PTPRD: variants seen among roughly 807,000 people sequenced by gnomAD.
PTPRD encodes receptor-type tyrosine-protein phosphatase delta.
PTPRD carries 34 observed loss-of-function variants against 214.5 expected under a neutral mutation model. That is an observed-to-expected ratio of 0.16 (90% confidence interval 0.12 to 0.21). The LOEUF is 0.21. Ranked by LOEUF, PTPRD falls within the 10% of genes least tolerant of loss-of-function variation. The probability of loss-of-function intolerance (pLI) is 1.00; values close to 1 mark genes in which losing one functional copy is unlikely to be tolerated. For synonymous variants in PTPRD, 1,128 were observed against 845.7 expected, an observed-to-expected ratio of 1.33 and a Z score of -5.79; for missense variants, 2,545 against 2,398.7, an observed-to-expected ratio of 1.06 and a Z score of -1.27.
At chr9:9,275,070 AT>A (rs1944529043) in intron 9 of PTPRD, among the ~76,000 whole-genome samples, 1 of 59,094 alleles carries the variant, frequency 1.7e-5, no homozygotes, top group Admixed American at 2.9e-4. Context: ...TATATATTAT[AT>A]ATATATATAT....
intron 12 of PTPRD, among the ~76,000 whole-genome samples, chr9:8,720,386 C>G (rs1378666556): frequency 6.6e-6 from 1 of 152,198 alleles, no homozygotes; most frequent in Non-Finnish European, 1.5e-5. Flanking sequence ...CTTCTGCACC[C>G]TCCTATTACT....
At chr9:9,948,000 T>G (rs1329766603) in intron 4 of PTPRD, among the ~76,000 whole-genome samples, 1 of 151,946 alleles carries the variant, frequency 6.6e-6, no homozygotes, top group Non-Finnish European at 1.5e-5. Context: ...GCAAGATTTT[T>G]TTCTTCTTGA....
chr9:10,358,593 G>C (rs908394826), intron 2 of PTPRD, among the ~76,000 whole-genome samples: 1 of 151,854 alleles, frequency 6.6e-6, no homozygotes, highest in Non-Finnish European at 1.5e-5. Context: ...ATAGCAAACT[G>C]TCTGAAAAAT....
chr9:9,732,923 A>AT (rs376524824), intron 7 of PTPRD, among the ~76,000 whole-genome samples: 1 of 151,472 alleles, frequency 6.6e-6, no homozygotes, highest in African/African-American at 2.4e-5. Context: ...AAAAAAAAAA[A>AT]TTACTAAGAA....
At chr9:10,310,176 C>T (rs959786564) in intron 3 of PTPRD, among the ~76,000 whole-genome samples, 3 of 151,940 alleles carry the variant, frequency 2.0e-5, no homozygotes, top group African/African-American at 7.2e-5. Flanking sequence ...AAATCCATGT[C>T]CAACTCTTCT....
chr9:8,825,875 C>T (rs887571978), intron 11 of PTPRD, among the ~76,000 whole-genome samples: 3 of 152,148 alleles, frequency 2.0e-5, no homozygotes, highest in African/African-American at 7.2e-5. Flanking sequence ...CAAGGATGAG[C>T]AGATGCCACA....
intron 11 of PTPRD, among the ~76,000 whole-genome samples, chr9:8,838,616 A>T (rs759329681): frequency 6.7e-6 from 1 of 149,878 alleles, no homozygotes; most frequent in Non-Finnish European, 1.5e-5. Context: ...AGTTTGACAG[A>T]TTTTTTTTTT....
intron 9 of PTPRD, among the ~76,000 whole-genome samples, chr9:9,364,526 G>A (rs2057306078): frequency 6.6e-6 from 1 of 151,394 alleles, no homozygotes; most frequent in South Asian, 2.1e-4. Context: ...AGCTATCCCT[G>A]CACATATACG....
At chr9:8,388,330 T>C (rs1034711243) in intron 37 of PTPRD, among the ~76,000 whole-genome samples, 1 of 152,220 alleles carries the variant, frequency 6.6e-6, no homozygotes, top group Admixed American at 6.5e-5. Flanking sequence ...AATATCCTTT[T>C]TGAGACTACT....
intron 14 of PTPRD, among the ~76,000 whole-genome samples, chr9:8,545,906 A>G (rs1479697326): frequency 6.6e-6 from 1 of 152,236 alleles, no homozygotes; most frequent in Non-Finnish European, 1.5e-5. Context: ...AACAAACTTT[A>G]TACAAACTCT....
rs2097646167 is a variant in PTPRD, at chr9:8,510,049, C to G, written c.1544-2615G>C. 2.0e-5 allele frequency among the ~76,000 whole-genome samples: 3 copies of G among 152,104 alleles called. No homozygotes were observed. In the South Asian group the frequency reaches 6.2e-4, roughly 31 times the overall value. On this transcript the variant is annotated intron_variant, in intron 21 of 45. Transcript: ENST00000381196. ...CTGTAACCCCAGCACTTTGGGAGGCCAAGTTGGGAGGATGGCTTGAAGTCA... is the reference window on the plus strand; with the variant it reads ...CTGTAACCCCAGCACTTTGGGAGGCGAAGTTGGGAGGATGGCTTGAAGTCA...
intron 4 of PTPRD, among the ~76,000 whole-genome samples, chr9:10,032,426 C>T (rs2097100113): frequency 6.6e-6 from 1 of 152,166 alleles, no homozygotes; most frequent in East Asian, 1.9e-4. Context: ...AGTTATTCTT[C>T]CCTATTGTTT....
At chr9:10,396,104 G>C (rs2098165433) in intron 2 of PTPRD, among the ~76,000 whole-genome samples, 1 of 151,778 alleles carries the variant, frequency 6.6e-6, no homozygotes, top group African/African-American at 2.4e-5. Flanking sequence ...CCTGTGCTTG[G>C]ACTCCATGAA....
chr9:10,500,853 A>C (rs966141659), intron 2 of PTPRD, among the ~76,000 whole-genome samples: 23 of 152,064 alleles, frequency 1.5e-4, no homozygotes, highest in African/African-American at 5.5e-4. Context: ...CTCCAGTTCC[A>C]TCCATGTTAT....
chr9:10,062,979 C>T (rs1273604294), intron 3 of PTPRD, among the ~76,000 whole-genome samples: 1 of 151,834 alleles, frequency 6.6e-6, no homozygotes, highest in Non-Finnish European at 1.5e-5. Context: ...ATTTTATTGC[C>T]CTAAGAATTA....
intron 5 of PTPRD, among the ~76,000 whole-genome samples, chr9:9,912,701 C>T (rs774883358): frequency 6.6e-6 from 1 of 152,162 alleles, no homozygotes; most frequent in African/African-American, 2.4e-5. Context: ...ATTACAATTA[C>T]AACTGCACTA....
chr9:10,029,319 G>A (rs1380677214), intron 4 of PTPRD, among the ~76,000 whole-genome samples: 1 of 152,150 alleles, frequency 6.6e-6, no homozygotes, highest in African/African-American at 2.4e-5. Context: ...GCTGTCTAGT[G>A]GAGCTGTGAG....
chr9:9,393,855 A>G (rs182206256), intron 9 of PTPRD, among the ~76,000 whole-genome samples: 5 of 152,286 alleles, frequency 3.3e-5, no homozygotes, highest in Admixed American at 6.5e-5. Context: ...AGTAATTACC[A>G]TCAATTTCAT....
At chr9:8,624,623 A>C (rs1353121598) in intron 14 of PTPRD, among the ~76,000 whole-genome samples, 1 of 151,806 alleles carries the variant, frequency 6.6e-6, no homozygotes, top group East Asian at 1.9e-4. Flanking sequence ...CAGATGATTT[A>C]ATATGTCATT....
Sources: allele counts gnomAD v4.1 joint callset (sites outside exome capture counted in the v4.1 genomes callset), GRCh38; gene constraint gnomAD v4.1.1; transcripts MANE v1.5; gene names NCBI Gene and HGNC (gene_info 2026-07-23, HGNC 2026-07-21).